PREX1: variants seen among roughly 807,000 people sequenced by gnomAD.
The protein encoded by PREX1 is phosphatidylinositol-3,4,5-trisphosphate dependent Rac exchange factor 1, also known as phosphatidylinositol 3,4,5-trisphosphate-dependent Rac exchanger 1 protein.
In PREX1, 41 loss-of-function variants were observed where a neutral mutation model predicts 198.3. The observed-to-expected ratio is 0.21, with a 90% CI of 0.16 to 0.27. PREX1 has a LOEUF of 0.27. PREX1 is among the 10% of genes least tolerant of loss of function. The pLI is 1.00. For synonymous variants in PREX1, 843 were observed against 887.2 expected (o/e 0.95, Z 0.89); for missense variants, 1,620 against 2,200.7 (o/e 0.74, Z 5.28).
rs1238760152 is a variant in PREX1 at position 48,624,894 on chromosome 20, C to CT, written c.*990_*991insA. 1 of 152,296 alleles carries CT rather than the reference C, an allele frequency of 6.6e-6. No homozygotes were observed. Among genetic ancestry groups the CT allele is most frequent in the Admixed American group, 6.5e-5 (1 of 15,288 alleles). The allele number at this position is 152,296 out of a possible 1,614,324, so 9.4% of individuals were successfully genotyped here. On this transcript the variant is annotated 3_prime_UTR_variant, in exon 40 of 40. Coordinates refer to ENST00000371941, the MANE Select transcript of PREX1 (RefSeq NM_020820.4). ...CACCTCTCAGGCCCTTGTAGCCAGT[C>CT]ACTCAAAGAGAGCGAGTTCTAACAC...
the PREX1 span, among the ~76,000 whole-genome samples, chr20:48,836,862 C>T: frequency 7.0e-6 from 1 of 143,570 alleles, no homozygotes; most frequent in Non-Finnish European, 1.5e-5. Flanking sequence ...GAGATCGCAC[C>T]ACTGCACTCC....
intron 3 of PREX1, among the ~76,000 whole-genome samples, chr20:48,738,045 GA>G (rs2090064734): frequency 6.6e-6 from 1 of 152,176 alleles, no homozygotes; most frequent in African/African-American, 2.4e-5. Flanking sequence ...GGCAGAAAAT[GA>G]AAGACATGGA....
At chr20:48,867,397 C>T in the PREX1 span, among the ~76,000 whole-genome samples, 2,050 of 152,286 alleles carry the variant, frequency 0.013, 44 homozygotes, top group African/African-American at 0.047. Flanking sequence ...GTTACACCTT[C>T]GAGGGCCCCC....
chr20:48,676,463 C>T (rs902307453), intron 13 of PREX1, among the ~76,000 whole-genome samples, 195 bp from the exon 14 acceptor site: 6 of 152,228 alleles, frequency 3.9e-5, no homozygotes, highest in Admixed American at 2.0e-4. Flanking sequence ...TGTTCCAAAC[C>T]AGGCCTCCTT....
the PREX1 span, among the ~76,000 whole-genome samples, chr20:48,872,635 A>G: frequency 9.9e-5 from 15 of 152,136 alleles, no homozygotes; most frequent in African/African-American, 3.4e-4. Context: ...AATTCCAACT[A>G]TTCAGGAGGC....
At chr20:48,882,781 G>T in the PREX1 span, among the ~76,000 whole-genome samples, 1 of 151,910 alleles carries the variant, frequency 6.6e-6, no homozygotes, top group African/African-American at 2.4e-5. Context: ...TCACTAGTGG[G>T]TGTGGACTGG....
chr20:48,815,147 C>A (rs2090453900), intron 1 of PREX1, among the ~76,000 whole-genome samples: 1 of 152,132 alleles, frequency 6.6e-6, no homozygotes, highest in Non-Finnish European at 1.5e-5. Context: ...TAATAACTGA[C>A]AGAACTCAAA....
chr20:48,875,772 G>A, the PREX1 span, among the ~76,000 whole-genome samples: 14 of 152,136 alleles, frequency 9.2e-5, no homozygotes. Flanking sequence ...GTCACGAGGC[G>A]ACAGGTGAGC....
chr20:48,641,834 GAGAGAGAGGA>G (rs2089412716), intron 29 of PREX1, among the ~76,000 whole-genome samples: 14 of 128,612 alleles, frequency 1.1e-4, no homozygotes, highest in South Asian at 2.7e-4. Flanking sequence ...AAGAGAGAGA[GAGAGAGAGGA>G]AGGAAGGAAG....
At chr20:48,862,489 A>C in the PREX1 span, among the ~76,000 whole-genome samples, 1 of 152,106 alleles carries the variant, frequency 6.6e-6, no homozygotes. Flanking sequence ...AAGAAAACTG[A>C]GGCAGAACCT....
chr20:48,761,165 T>C (rs1293197935), intron 1 of PREX1, among the ~76,000 whole-genome samples: 1 of 152,224 alleles, frequency 6.6e-6, no homozygotes, highest in East Asian at 1.9e-4. Flanking sequence ...CACAGCATCA[T>C]GGGCAGGGTC....
intron 1 of PREX1, among the ~76,000 whole-genome samples, chr20:48,826,716 G>A (rs1468853769): frequency 1.3e-5 from 2 of 152,208 alleles, no homozygotes; most frequent in African/African-American, 4.8e-5. Context: ...TTAGTCGGCC[G>A]TGGTGGCTGG....
At chr20:48,726,885 C>T (rs2090012996) in intron 4 of PREX1, among the ~76,000 whole-genome samples, 1 of 152,176 alleles carries the variant, frequency 6.6e-6, no homozygotes, top group African/African-American at 2.4e-5. Flanking sequence ...AGTCTGTTTG[C>T]AGCAGATTTA....
At chr20:48,723,253 C>T (rs2089993946) in intron 5 of PREX1, among the ~76,000 whole-genome samples, 1 of 152,210 alleles carries the variant, frequency 6.6e-6, no homozygotes, top group Non-Finnish European at 1.5e-5. Context: ...ACGGGGACCC[C>T]TGCAAGGGCA....
At chr20:48,805,500 G>A (rs1320974166) in intron 1 of PREX1, among the ~76,000 whole-genome samples, 4 of 152,244 alleles carry the variant, frequency 2.6e-5, no homozygotes, top group Admixed American at 6.5e-5. Context: ...GACACACGGG[G>A]AGGGGCTGAG....
At chr20:48,708,557 G>T in intron 5 of PREX1, 136 bp from the exon 6 acceptor site, 1 of 960,584 alleles carries the variant, frequency 1.0e-6, no homozygotes, top group Non-Finnish European at 1.5e-6. Context: ...AAGGAGATGA[G>T]CCAAAGCAAA....
At chr20:48,801,520 C>T (rs1176742181) in intron 1 of PREX1, among the ~76,000 whole-genome samples, 1 of 152,190 alleles carries the variant, frequency 6.6e-6, no homozygotes, top group Non-Finnish European at 1.5e-5. Context: ...TAGGTAAGGG[C>T]CAAGGCACAG....
At chr20:48,857,169 C>T in the PREX1 span, among the ~76,000 whole-genome samples, 1 of 152,182 alleles carries the variant, frequency 6.6e-6, no homozygotes, top group African/African-American at 2.4e-5. Context: ...CCTTGCCACC[C>T]ATGGTGTATA....
At chr20:48,692,180 A>T (rs1023971295) in intron 8 of PREX1, 4 of 154,496 alleles carry the variant, frequency 2.6e-5, no homozygotes, top group African/African-American at 9.7e-5. Flanking sequence ...ATGAGCCACC[A>T]CACCCAGCCG....
Sources: gnomAD v4.1 joint callset for allele counts (sites outside exome capture counted in the v4.1 genomes callset) on GRCh38, gnomAD v4.1.1 for gene constraint, MANE v1.5 for transcripts, NCBI Gene and HGNC (gene_info 2026-07-23, HGNC 2026-07-21) for gene names.